MLH3: variants seen among roughly 807,000 people sequenced by gnomAD.
MLH3 encodes mutL homolog 3, also known as DNA mismatch repair protein Mlh3.
Under a neutral mutation model 122.2 loss-of-function variants are expected in MLH3, and 82 were observed. The observed-to-expected ratio is 0.67, with a 90% CI of 0.56 to 0.81. The LOEUF (loss-of-function observed/expected upper bound fraction) is 0.81, where lower values mean the gene tolerates loss of function less well. MLH3 is among the 30% of genes least tolerant of loss of function. The pLI, the probability that MLH3 is intolerant of heterozygous loss-of-function variation, is 0.00. For missense variants in MLH3, 1,539 were observed against 1,714.5 expected, an observed-to-expected ratio of 0.90 and a Z score of 1.81; for synonymous variants, 524 against 599.5, an observed-to-expected ratio of 0.87 and a Z score of 1.84.
At position 75,048,738 on chromosome 14, in the gene MLH3, A is replaced by G. The variant is rs1408424853; in HGVS notation, c.918T>C (p.Tyr306=). Residue 306 remains tyrosine, a synonymous_variant, in exon 2 of 13, where the codon TAT becomes TAC. Transcript: ENST00000355774. ...HRSTPELYGI[Y]VINVQCQFCE... is the part of the protein sequence containing the mutation. Reference sequence around the variant, plus strand: ...AGAATTGGCACTGCACATTAATTACATATATGCCATAGAGTTCTGGGGTAG... The same window carrying G: ...AGAATTGGCACTGCACATTAATTACGTATATGCCATAGAGTTCTGGGGTAG... The G allele has an allele frequency of 1.9e-6, 3 of 1,614,090 alleles. No individual in the cohort carries two copies. The highest frequency in any genetic ancestry group is 2.7e-5 in the African/African-American group (2 of 75,036).
Position 75,014,056 on chromosome 14 carries a change from C to A in MLH3, c.*3026G>T, listed in dbSNP as rs1889777168. Reference sequence around the variant, plus strand: ...GGTGCCTGAAACTGCTCTTCCTTCACTCCACTGTGCCATGACTGGCTCCCA... The same window carrying A: ...GGTGCCTGAAACTGCTCTTCCTTCAATCCACTGTGCCATGACTGGCTCCCA... On this transcript the variant is annotated 3_prime_UTR_variant, in exon 13 of 13. Transcript: ENST00000355774. The A allele has an allele frequency of 5.6e-6, 1 of 179,420 alleles. No homozygotes were observed. The highest frequency in any genetic ancestry group is 1.2e-5 in the Non-Finnish European group (1 of 83,878). The allele number at this position is 179,420 out of a possible 1,614,324, so 11.1% of individuals were successfully genotyped here.
chr14:75,033,140 G>A (rs1891163786), intron 7 of MLH3, among the ~76,000 whole-genome samples: 1 of 152,026 alleles, frequency 6.6e-6, no homozygotes, highest in Admixed American at 6.6e-5. Context: ...CTTTGTGCTG[G>A]ATGTCAGAGT....
At chr14:75,036,368 C>T (rs909657306) in intron 6 of MLH3, among the ~76,000 whole-genome samples, 2 of 137,032 alleles carry the variant, frequency 1.5e-5, no homozygotes, top group African/African-American at 5.1e-5. Context: ...ATTTTTTTGA[C>T]AGAGTTTCGC....
At chr14:75,029,373 G>T (rs1372247777) in intron 9 of MLH3, among the ~76,000 whole-genome samples, 1 of 152,090 alleles carries the variant, frequency 6.6e-6, no homozygotes, top group African/African-American at 2.4e-5. Flanking sequence ...TACCTGCGCA[G>T]TTCAGACCCA....
chr14:75,039,921 T>C lies in MLH3; in HGVS notation c.3560A>G (p.His1187Arg). 2 of 1,499,006 alleles carry C rather than the reference T, an allele frequency of 1.3e-6. No individual in the cohort carries two copies. The highest frequency in any genetic ancestry group is 1.8e-6 in the Non-Finnish European group (2 of 1,090,560). 92.9% of individuals were successfully genotyped at this position (1,499,006 alleles called of 1,614,324 possible). Reference protein sequence around the residue: ...YPYRFTKGMIHSMQVLQQVDN... With the variant: ...YPYRFTKGMIRSMQVLQQVDN... ...AAGTTAATCTTTTACCTGCATTGAA[T>C]GAATCATTCCTTTGGTGAAACGATA... The change falls in exon 5 of 13, where the codon CAT (histidine) becomes CGT (arginine). Residue 1187 changes from histidine (H) to arginine (R), a missense_variant. Transcript: ENST00000355774.
At chr14:75,033,370 G>A (rs749953296) in intron 7 of MLH3, 49 bp downstream of exon 7, 1 of 1,455,004 alleles carries the variant, frequency 6.9e-7, no homozygotes, top group South Asian at 1.1e-5. Flanking sequence ...GAGGTGTACT[G>A]ATTCTGCTGG....
intron 6 of MLH3, among the ~76,000 whole-genome samples, chr14:75,037,086 A>C (rs970430679): frequency 1.3e-5 from 2 of 152,204 alleles, no homozygotes; most frequent in Admixed American, 1.3e-4. Context: ...GGTTTCCAAC[A>C]GTATTGGGAC....
At position 75,016,132 on chromosome 14, in the gene MLH3, C is replaced by T. The variant is rs1889873660; in HGVS notation, c.*950G>A. The stretch of plus-strand genomic sequence containing the variant: ...AACAAGCATTTGCAGAACGATCAGT[C>T]CTGGTCCCAAGTGATATTATAAGGG... On this transcript the variant is annotated 3_prime_UTR_variant, in exon 13 of 13. Transcript: ENST00000355774. 4.5e-6 allele frequency: 1 copy of T among 223,746 alleles called. No individual in the cohort carries two copies. The highest frequency in any genetic ancestry group is 2.2e-5 in the African/African-American group (1 of 44,884). The allele number at this position is 223,746 out of a possible 1,614,324, so 13.9% of individuals were successfully genotyped here. A position where few individuals can be genotyped will look rare whatever the true frequency, so the allele number is the denominator to read the frequency against.
chr14:75,019,056 A>G (rs1890092859), intron 11 of MLH3, 76 bp from the exon 12 acceptor site: 2 of 1,305,350 alleles, frequency 1.5e-6, no homozygotes, highest in Middle Eastern at 3.7e-4. Context: ...TCACTGCCAA[A>G]TATCTGGAAA....
At position 75,014,219 on chromosome 14, in the gene MLH3, T is replaced by C. The variant is rs1010822819; in HGVS notation, c.*2863A>G. On this transcript the variant is annotated 3_prime_UTR_variant, in exon 13 of 13. Transcript: ENST00000355774. ...TTGGGCCCCTTTCTGCTCTGACCAT[T>C]TTGCTTGCCTGGGTTTTTTCACTGT... 2 of 170,578 alleles carry C rather than the reference T, an allele frequency of 1.2e-5. No homozygotes were observed. Among genetic ancestry groups the C allele is most frequent in the Non-Finnish European group, 1.3e-5 (1 of 78,798 alleles). The allele number at this position is 170,578 out of a possible 1,614,324, so 10.6% of individuals were successfully genotyped here. A position where few individuals can be genotyped will look rare whatever the true frequency, so the allele number is the denominator to read the frequency against.
chr14:75,033,399 G>A lies in MLH3; in HGVS notation c.3715+20C>T, dbSNP rs1247644455. The A allele has an allele frequency of 2.5e-6, 4 of 1,611,990 alleles. No individual in the cohort carries two copies. The Admixed American group carries it at 5.0e-5, about 20-fold the overall frequency. ...CTGCTGGGAGTCTCAAATTTTTTCT[G>A]GCTGCAAACAGATCCTTACCAATGA... On this transcript the variant is annotated intron_variant, in intron 7 of 12. Transcript: ENST00000355774.
At chr14:75,043,690 T>C (rs1423646051) in intron 2 of MLH3, among the ~76,000 whole-genome samples, 1 of 152,228 alleles carries the variant, frequency 6.6e-6, no homozygotes, top group Non-Finnish European at 1.5e-5. Flanking sequence ...GGTTTATAAC[T>C]ACAATAGAAA....
chr14:75,018,484 T>C (rs1890047604), intron 12 of MLH3, among the ~76,000 whole-genome samples: 2 of 152,218 alleles, frequency 1.3e-5, no homozygotes, highest in Non-Finnish European at 2.9e-5. Flanking sequence ...CAACAGTGAA[T>C]TTGCTGTGCT....
At chr14:75,042,285 T>C in intron 3 of MLH3, 94 bp downstream of exon 3, 1 of 1,016,340 alleles carries the variant, frequency 9.8e-7, no homozygotes, top group Admixed American at 1.7e-5. Flanking sequence ...ACAGCACAGC[T>C]GGCACTGATC....
Position 75,030,616 on chromosome 14 carries a change from G to A in MLH3, c.3914C>T (p.Pro1305Leu), listed in dbSNP as rs1409810819. ...SDSLVLVGKV[P>L]LCFVEREANE... ...GGCTTCTCTTTCCACAAAACATAGT[G>A]GTACTTTTCCCACAAGGACCAGAGA... is the stretch of plus-strand genomic sequence containing the variant. The change falls in exon 9 of 13, where the codon CCA becomes CTA. Residue 1305 changes from proline to leucine, a missense_variant. Physicochemically the swap from Pro to Leu is moderately conservative, Grantham distance 98 (BLOSUM62 -3). Transcript: ENST00000355774. The A allele has an allele frequency of 1.2e-6, 2 of 1,613,554 alleles. No individual in the cohort carries two copies. The highest frequency in any genetic ancestry group is 1.1e-5 in the South Asian group (1 of 91,074).
At chr14:75,036,305 T>C (rs1416097728) in intron 6 of MLH3, among the ~76,000 whole-genome samples, 3 of 152,138 alleles carry the variant, frequency 2.0e-5, no homozygotes, top group Admixed American at 2.0e-4. Flanking sequence ...TCAGAACACT[T>C]GTCTAGGCCA....
rs996461763 is a variant in MLH3, at chr14:75,048,548, C to A, written c.1108G>T (p.Gly370Cys). The change falls in exon 2 of 13, where the codon GGT (glycine) becomes TGT (cysteine). Residue 370 changes from glycine to cysteine, a missense_variant. Physicochemically the swap from Gly to Cys is radical, Grantham distance 159. Coordinates refer to ENST00000355774, the MANE Select transcript of MLH3 (RefSeq NM_001040108.2). ...EDIKEFSEDN[G>C]FSLFDATLQK... ...AGAGTAGCATCAAATAAACTAAAAC[C>A]ATTATCTTCACTAAATTCCTTAATA... 14 of 1,613,208 alleles carry A rather than the reference C, an allele frequency of 8.7e-6. No homozygotes were observed. Among genetic ancestry groups the A allele is most frequent in the African/African-American group, 1.3e-5 (1 of 74,970 alleles).
rs368581841 is a variant in MLH3 at position 75,017,715 on chromosome 14, T to G, written c.4243-514A>C. 5.2e-4 allele frequency among the ~76,000 whole-genome samples: 79 copies of G among 152,346 alleles called. 1 individual carries two copies. The South Asian group carries it at 0.013, about 26-fold the overall frequency. ...CCAGCTCTCAGCAATGGAGAAAAACTTTCTTCATATTTTTCTTTGTGAAAC... is the reference window on the plus strand; with the variant it reads ...CCAGCTCTCAGCAATGGAGAAAAACGTTCTTCATATTTTTCTTTGTGAAAC... On this transcript the variant is annotated intron_variant, in intron 12 of 12. Coordinates refer to ENST00000355774, the MANE Select transcript of MLH3 (RefSeq NM_001040108.2).
chr14:75,037,361 G>A (rs888387557), intron 6 of MLH3, among the ~76,000 whole-genome samples: 2 of 152,076 alleles, frequency 1.3e-5, no homozygotes. Context: ...CATTACAGGG[G>A]CTAGAACTAA....
Sources: gnomAD v4.1 joint callset for allele counts (sites outside exome capture counted in the v4.1 genomes callset) on GRCh38, gnomAD v4.1.1 for gene constraint, MANE v1.5 for transcripts, NCBI Gene and HGNC (gene_info 2026-07-23, HGNC 2026-07-21) for gene names.